Variants in FRMD6 observed in about 807,000 individuals in gnomAD.
FRMD6 encodes FERM domain-containing protein 6.
FRMD6 carries 37 observed loss-of-function variants against 73.2 expected under a neutral mutation model. The observed-to-expected ratio is 0.51, with a 90% CI of 0.39 to 0.66. FRMD6 has a LOEUF of 0.66. FRMD6 is among the 30% of genes least tolerant of loss of function. The probability of loss-of-function intolerance (pLI) is 0.00; values close to 1 mark genes in which losing one functional copy is unlikely to be tolerated. For missense variants in FRMD6, 714 were observed against 780.5 expected (o/e 0.91, Z 1.02); for synonymous variants, 273 against 282.2 (o/e 0.97, Z 0.33).
At chr14:51,637,699 T>G (rs1312828843) in intron 2 of FRMD6, 2 of 152,194 alleles carry the variant, frequency 1.3e-5, no homozygotes, top group African/African-American at 4.8e-5. Flanking sequence ...TTTTCCCCAG[T>G]TAATTTCTAT....
At chr14:51,719,481 A>C (rs1396754595) in intron 10 of FRMD6, among the ~76,000 whole-genome samples, 4 of 152,244 alleles carry the variant, frequency 2.6e-5, no homozygotes, top group African/African-American at 9.6e-5. Flanking sequence ...TTTTATTTTA[A>C]ATTGTATTCA....
At chr14:51,489,530 A>G (rs142232767) in intron 1 of FRMD6, 3 of 152,508 alleles carry the variant, frequency 2.0e-5, no homozygotes, top group Admixed American at 1.3e-4. Context: ...AAGGGTTTAA[A>G]TAATTTGATT....
chr14:51,597,537 G>A (rs1889786511), intron 2 of FRMD6, among the ~76,000 whole-genome samples: 1 of 152,198 alleles, frequency 6.6e-6, no homozygotes, highest in South Asian at 2.1e-4. Context: ...TGCAGAATGT[G>A]TAACGAGGAA....
the FRMD6 span, among the ~76,000 whole-genome samples, chr14:51,448,168 G>T: frequency 6.6e-6 from 1 of 152,200 alleles, no homozygotes; most frequent in Admixed American, 6.5e-5. Context: ...GAAATCCTCA[G>T]TTATTATCTC....
intron 2 of FRMD6, among the ~76,000 whole-genome samples, chr14:51,627,224 C>A (rs1238118278): frequency 6.6e-6 from 1 of 152,162 alleles, no homozygotes; most frequent in East Asian, 1.9e-4. Flanking sequence ...ATATCAAGCC[C>A]TGCACTAGCC....
At chr14:51,714,611 A>G (rs1194778133) in intron 9 of FRMD6, 1 of 152,190 alleles carries the variant, frequency 6.6e-6, no homozygotes, top group African/African-American at 2.4e-5. Flanking sequence ...GACTCCTTAT[A>G]TGTCTACTGA....
In FRMD6 at chr14:51,603,062, A is replaced by C. The variant is rs189819767; in HGVS notation, c.-147+32652A>C. 1.5e-3 allele frequency among the ~76,000 whole-genome samples: 227 copies of C among 152,324 alleles called. 1 individual carries two copies. The highest frequency in any genetic ancestry group is 3.1e-3 in the South Asian group (15 of 4,828). ...AGTCAAGAGGGCTGAGCCCTCATGA[A>C]TGAGATTAGTGCCCTTATAAAAGAG... On this transcript the variant is annotated intron_variant, in intron 2 of 14. Coordinates refer to the FRMD6 transcript ENST00000356218.
chr14:51,587,510 A>G (rs1889121619), intron 2 of FRMD6, among the ~76,000 whole-genome samples: 1 of 152,226 alleles, frequency 6.6e-6, no homozygotes, highest in African/African-American at 2.4e-5. Flanking sequence ...GTTTATTATT[A>G]AAGATTTATC....
intron 2 of FRMD6, among the ~76,000 whole-genome samples, chr14:51,629,914 C>T (rs1420810320): frequency 6.6e-6 from 1 of 152,142 alleles, no homozygotes; most frequent in Non-Finnish European, 1.5e-5. Flanking sequence ...TTATTCTTCT[C>T]CCAGAGGCTA....
chr14:51,455,766 A>G, the FRMD6 span, among the ~76,000 whole-genome samples: 1 of 152,206 alleles, frequency 6.6e-6, no homozygotes, highest in African/African-American at 2.4e-5. Context: ...AGGAGACAGC[A>G]TAGAATTCTG....
At chr14:51,434,158 A>G in the FRMD6 span, among the ~76,000 whole-genome samples, 2 of 152,248 alleles carry the variant, frequency 1.3e-5, no homozygotes, top group East Asian at 3.9e-4. Context: ...ATCAGCGTAA[A>G]CTCATGATTT....
At chr14:51,451,570 A>C in the FRMD6 span, among the ~76,000 whole-genome samples, 1 of 152,116 alleles carries the variant, frequency 6.6e-6, no homozygotes, top group African/African-American at 2.4e-5. Flanking sequence ...TAGTAGACAC[A>C]GGATTTTGCC....
intron 1 of FRMD6, among the ~76,000 whole-genome samples, chr14:51,524,290 T>A (rs1316121212): frequency 6.6e-6 from 1 of 152,144 alleles, no homozygotes; most frequent in African/African-American, 2.4e-5. Context: ...ATAAAGATTT[T>A]AAAATATAAT....
chr14:51,658,485 G>A (rs1233374755), intron 1 of FRMD6, among the ~76,000 whole-genome samples: 3 of 151,930 alleles, frequency 2.0e-5, no homozygotes, highest in African/African-American at 7.3e-5. Context: ...CAATATTTTT[G>A]GAATAATTCA....
the FRMD6 span, among the ~76,000 whole-genome samples, chr14:51,482,831 G>T: frequency 6.6e-6 from 1 of 152,092 alleles, no homozygotes; most frequent in African/African-American, 2.4e-5. Context: ...CTCCCGAGTA[G>T]CTGGGATTAT....
the FRMD6 span, among the ~76,000 whole-genome samples, chr14:51,474,464 T>C: frequency 6.6e-6 from 1 of 152,162 alleles, no homozygotes; most frequent in Non-Finnish European, 1.5e-5. Context: ...GCATCTGAAA[T>C]GCAGAAATCA....
intron 10 of FRMD6, 21 bp downstream of exon 10, chr14:51,715,520 T>G: frequency 6.4e-7 from 1 of 1,564,290 alleles, no homozygotes; most frequent in South Asian, 1.2e-5. Flanking sequence ...GTCTGGGGTG[T>G]GGAAGCAAAT....
chr14:51,525,141 TGG>T (rs1410068059), intron 1 of FRMD6, among the ~76,000 whole-genome samples: 7 of 27,248 alleles, frequency 2.6e-4, no homozygotes, highest in African/African-American at 1.6e-3. Context: ...GATAGGTGGG[TGG>T]ATGGATGGAT....
intron 1 of FRMD6, among the ~76,000 whole-genome samples, chr14:51,555,613 A>G (rs1402431095): frequency 6.6e-6 from 1 of 152,010 alleles, no homozygotes; most frequent in Non-Finnish European, 1.5e-5. Context: ...GACCAGCCTG[A>G]CCAACATGGA....
Sources: gnomAD v4.1 joint callset for allele counts (sites outside exome capture counted in the v4.1 genomes callset) on GRCh38, gnomAD v4.1.1 for gene constraint, MANE v1.5 for transcripts, NCBI Gene and HGNC (gene_info 2026-07-23, HGNC 2026-07-21) for gene names.